Variants in NAPEPLD observed in about 807,000 individuals in gnomAD.
NAPEPLD encodes the protein N-acyl-phosphatidylethanolamine-hydrolyzing phospholipase D.
In NAPEPLD, 23 loss-of-function variants were observed where a neutral mutation model predicts 38.1. The ratio of observed to expected loss-of-function variants is 0.60; its 90% CI spans 0.43 to 0.86. The LOEUF (loss-of-function observed/expected upper bound fraction) is 0.86. NAPEPLD is among the 40% of genes least tolerant of loss of function. NAPEPLD has a pLI of 0.00. For synonymous variants in NAPEPLD, 147 were observed against 162.0 expected (o/e 0.91, Z 0.71); for missense variants, 411 against 476.8 (o/e 0.86, Z 1.28).
chr7:103,141,256 TTTTTTTTTTG>T lies in NAPEPLD; in HGVS notation c.-17+7545_-17+7554del. ...TGTGGAGTTGTTTTTTTTTTTTTTT[TTTTTTTTTTG>T]CAAGCAGATAAAGGCTTATTTTACT... On this transcript the variant is annotated intron_variant, in intron 1 of 4. Coordinates refer to ENST00000465647, the MANE Select transcript of NAPEPLD (RefSeq NM_001122838.3). The T allele has an allele frequency of 1.8e-5, 5 of 275,044 alleles. No individual in the cohort carries two copies. In the East Asian group the frequency reaches 2.8e-4, roughly 15 times the overall value. The allele number at this position is 275,044 out of a possible 1,614,324, so 17.0% of individuals were successfully genotyped here. A position where few individuals can be genotyped will look rare whatever the true frequency, so the allele number is the denominator to read the frequency against.
intron 4 of NAPEPLD, among the ~76,000 whole-genome samples, chr7:103,104,238 G>C (rs1466571239): frequency 2.6e-5 from 4 of 152,206 alleles, no homozygotes; most frequent in Non-Finnish European, 5.9e-5. Context: ...TCCAAGTGGA[G>C]ATGTGAAGGA....
chr7:103,148,201 T>C, intron 1 of NAPEPLD: 1 of 684,512 alleles, frequency 1.5e-6, no homozygotes, highest in Non-Finnish European at 1.8e-6. Context: ...AATGACTTCC[T>C]GGACAAATTA....
At chr7:103,138,888 G>A (rs373435791) in intron 1 of NAPEPLD, among the ~76,000 whole-genome samples, 25 of 152,130 alleles carry the variant, frequency 1.6e-4, no homozygotes, top group East Asian at 1.4e-3. Context: ...AACAATCTTC[G>A]GCTGCACCAA....
rs930174498 is a variant in NAPEPLD, at chr7:103,103,350, C to G, written c.*79G>C. ...CCAAATGTAAAATAATCACAATATT[C>G]ATGAATTTCTAAGTCTTTTCATTTG... On this transcript the variant is annotated 3_prime_UTR_variant, in exon 5 of 5. Transcript: ENST00000465647. 7.8e-6 allele frequency: 11 copies of G among 1,409,342 alleles called. No homozygotes were observed. The highest frequency in any genetic ancestry group is 1.0e-5 in the Non-Finnish European group (11 of 1,051,026). 87.3% of individuals were successfully genotyped at this position (1,409,342 alleles called of 1,614,324 possible). A position where few individuals can be genotyped will look rare whatever the true frequency, so the allele number is the denominator to read the frequency against.
At chr7:103,120,311 CAAG>C (rs765526072) in intron 2 of NAPEPLD, 88 bp from the exon 3 acceptor site, 17 of 1,419,274 alleles carry the variant, frequency 1.2e-5, no homozygotes, top group Non-Finnish European at 1.5e-5. Flanking sequence ...TAAATAATGG[CAAG>C]AAGAGCTGTT....
chr7:103,149,131 C>G (rs751586718), upstream of NAPEPLD: 856 of 987,396 alleles, frequency 8.7e-4, 1 homozygote, highest in Non-Finnish European at 1.0e-3. Context: ...GTGGAGGAGG[C>G]AGCAGAGAGG....
At chr7:103,135,708 G>A (rs145123887) in intron 1 of NAPEPLD, among the ~76,000 whole-genome samples, 180 of 149,554 alleles carry the variant, frequency 1.2e-3, no homozygotes, top group African/African-American at 4.2e-3. Flanking sequence ...GAACATACAC[G>A]CATAATATAC....
intron 1 of NAPEPLD, among the ~76,000 whole-genome samples, chr7:103,131,525 G>A (rs10953382): frequency 0.65 from 98,761 of 151,790 alleles, 34,757 homozygotes; most frequent in Middle Eastern, 0.84. Flanking sequence ...CGGGCGTGGT[G>A]GACCTGTGCC....
intron 3 of NAPEPLD, 124 bp downstream of exon 3, chr7:103,119,453 C>G (rs532663537): frequency 1.6e-5 from 15 of 942,036 alleles, no homozygotes; most frequent in Non-Finnish European, 2.2e-5. Flanking sequence ...AACCCCCAAT[C>G]ATGTATAACA....
rs1186547854 is a variant in NAPEPLD at position 103,102,508 on chromosome 7, TTTTC to T, written c.*917_*920del. ...ACACCACCTCACCCGGCTTTTTCTT[TTTTC>T]TTTTTTTTTTTCCGAGAGAGACGGG... is the stretch of plus-strand genomic sequence containing the variant. On this transcript the variant is annotated 3_prime_UTR_variant, in exon 5 of 5. Transcript: ENST00000465647. 6.6e-6 allele frequency: 1 copy of T among 151,974 alleles called. No homozygotes were observed. Among genetic ancestry groups the T allele is most frequent in the East Asian group, 1.9e-4 (1 of 5,188 alleles). 9.4% of individuals were successfully genotyped at this position (151,974 alleles called of 1,614,324 possible). A position where few individuals can be genotyped will look rare whatever the true frequency, so the allele number is the denominator to read the frequency against.
chr7:103,130,043 TCTTA>T, intron 1 of NAPEPLD, among the ~76,000 whole-genome samples: 1 of 152,344 alleles, frequency 6.6e-6, no homozygotes, highest in South Asian at 2.1e-4. Context: ...TTCATTTCTT[TCTTA>T]TTCTGTTAAA....
intron 2 of NAPEPLD, among the ~76,000 whole-genome samples, chr7:103,123,773 C>G (rs1029569299): frequency 2.6e-5 from 4 of 152,124 alleles, no homozygotes; most frequent in African/African-American, 7.2e-5. Context: ...AACCATACTT[C>G]CTCTCATTAA....
intron 1 of NAPEPLD, among the ~76,000 whole-genome samples, chr7:103,142,343 T>G (rs775781750): frequency 4.6e-5 from 7 of 151,626 alleles, no homozygotes; most frequent in Non-Finnish European, 1.0e-4. Context: ...TGGTGACTCA[T>G]GCCTGTAATC....
At position 103,115,099 on chromosome 7, in the gene NAPEPLD, A is replaced by G. The variant is rs746785467; in HGVS notation, c.1017T>C (p.Ser339=). 5 of 1,614,028 alleles carry G rather than the reference A, an allele frequency of 3.1e-6. No homozygotes were observed. Among genetic ancestry groups the G allele is most frequent in the Non-Finnish European group, 3.4e-6 (4 of 1,179,942 alleles). ...RIHTDVQTKK[S]MAIHWGTFAL... ...CAAAAGTTCCCCAGTGAATTGCCAT[A>G]GATTTCTTTGTTTGGACATCAGTGT... is the stretch of plus-strand genomic sequence containing the variant. Residue 339 remains serine, a synonymous_variant, in exon 4 of 5, where the codon TCT becomes TCC. Transcript: ENST00000465647.
At chr7:103,139,610 T>C (rs1035238733) in intron 1 of NAPEPLD, among the ~76,000 whole-genome samples, 3 of 152,088 alleles carry the variant, frequency 2.0e-5, no homozygotes, top group Non-Finnish European at 2.9e-5. Context: ...ACAGAGAGGG[T>C]GATGGAAAGA....
At chr7:103,128,428 T>G in intron 2 of NAPEPLD, 55 bp downstream of exon 2, 1 of 1,581,796 alleles carries the variant, frequency 6.3e-7, no homozygotes, top group Non-Finnish European at 8.6e-7. Flanking sequence ...CTCAAATAAC[T>G]AGAGTGTCAT....
At chr7:103,122,117 T>C (rs998583917) in intron 2 of NAPEPLD, among the ~76,000 whole-genome samples, 40 of 151,542 alleles carry the variant, frequency 2.6e-4, no homozygotes, top group African/African-American at 8.5e-4. Flanking sequence ...TTTTTTTTTT[T>C]GTAGAGACAG....
chr7:103,121,296 G>T (rs575466693), intron 2 of NAPEPLD, among the ~76,000 whole-genome samples: 3 of 152,242 alleles, frequency 2.0e-5, no homozygotes, highest in Admixed American at 6.5e-5. Flanking sequence ...AAGTGGTAAG[G>T]TTGCAGCATC....
intron 4 of NAPEPLD, among the ~76,000 whole-genome samples, chr7:103,109,692 A>G (rs1804124011): frequency 6.6e-6 from 1 of 152,170 alleles, no homozygotes; most frequent in Non-Finnish European, 1.5e-5. Flanking sequence ...AAACTAGAGA[A>G]GCAAGAGCAA....
Sources: gnomAD v4.1 joint callset for allele counts (sites outside exome capture counted in the v4.1 genomes callset) on GRCh38, gnomAD v4.1.1 for gene constraint, MANE v1.5 for transcripts, NCBI Gene and HGNC (gene_info 2026-07-23, HGNC 2026-07-21) for gene names.